The following ELP4 variants were observed in gnomAD, a reference collection of about 807,000 sequenced individuals.
ELP4 encodes the protein elongator acetyltransferase complex subunit 4, also known as elongator complex protein 4.
In ELP4, 51 loss-of-function variants were observed where a neutral mutation model predicts 48.9. The ratio of observed to expected loss-of-function variants is 1.04; its 90% CI spans 0.83 to 1.32. The LOEUF is 1.32. ELP4 is among the 40% of genes most tolerant of loss of function. The pLI, the probability that ELP4 is intolerant of heterozygous loss-of-function variation, is 0.00. For missense variants in ELP4, 519 were observed against 514.6 expected (o/e 1.01, Z -0.08); for synonymous variants, 210 against 189.2 (o/e 1.11, Z -0.90).
At chr11:31,736,294 C>A (rs944525437) in intron 9 of ELP4, among the ~76,000 whole-genome samples, 2 of 152,114 alleles carry the variant, frequency 1.3e-5, no homozygotes, top group African/African-American at 4.8e-5. Context: ...TGAAACTGGA[C>A]CCCTTCCTTA....
At chr11:31,778,317 T>C (rs1948291809) in intron 9 of ELP4, among the ~76,000 whole-genome samples, 1 of 152,190 alleles carries the variant, frequency 6.6e-6, no homozygotes, top group Admixed American at 6.5e-5. Flanking sequence ...GGACTGCAGT[T>C]GCACTTTGCT....
At chr11:31,727,144 T>C (rs187376542) in intron 9 of ELP4, among the ~76,000 whole-genome samples, 1 of 151,914 alleles carries the variant, frequency 6.6e-6, no homozygotes, top group African/African-American at 2.4e-5. Context: ...AAAAAGAACT[T>C]TATTTTTACA....
At chr11:31,647,486 TTA>T (rs1013793399) in intron 7 of ELP4, 4 of 298,596 alleles carry the variant, frequency 1.3e-5, no homozygotes, top group Non-Finnish European at 2.5e-5. Flanking sequence ...ACTAATAAAT[TTA>T]TGTCTTCTAC....
chr11:31,601,379 A>G (rs1020085089), intron 4 of ELP4, among the ~76,000 whole-genome samples: 1 of 152,106 alleles, frequency 6.6e-6, no homozygotes, highest in African/African-American at 2.4e-5. Context: ...TAAAATTTTC[A>G]TGGCTACCTT....
At chr11:31,766,276 T>A (rs552521052) in intron 9 of ELP4, among the ~76,000 whole-genome samples, 8 of 152,240 alleles carry the variant, frequency 5.3e-5, no homozygotes, top group Admixed American at 2.6e-4. Flanking sequence ...GCAATAAGTA[T>A]ATTTTTCTGA....
intron 9 of ELP4, among the ~76,000 whole-genome samples, chr11:31,751,960 G>A (rs1947731050): frequency 6.6e-6 from 1 of 152,022 alleles, no homozygotes; most frequent in African/African-American, 2.4e-5. Context: ...ACAACTTCAT[G>A]TAATCCCTCT....
chr11:31,762,324 T>G (rs1029880128), intron 9 of ELP4, among the ~76,000 whole-genome samples: 3 of 152,214 alleles, frequency 2.0e-5, no homozygotes, highest in Admixed American at 6.5e-5. Context: ...ACAAAGTTTA[T>G]TTAAATGATT....
In ELP4 at chr11:31,539,724, G is replaced by A; in HGVS notation, c.322G>A (p.Val108Ile). The change falls in exon 3 of 10, where the codon GTC (valine) becomes ATC (isoleucine). Residue 108 changes from valine to isoleucine, a missense_variant. Physicochemically the swap from Val to Ile is conservative, Grantham distance 29. Coordinates refer to ENST00000640961, the MANE Select transcript of ELP4 (RefSeq NM_019040.5). ...CAAGTATTTCCTGGCAGAAGGAATT[G>A]TCAATGGGCATACTTTGTTGGTTGC... is the stretch of plus-strand genomic sequence containing the variant. ...LFKYFLAEGIVNGHTLLVASA... is the reference protein window; with the variant it reads ...LFKYFLAEGIINGHTLLVASA... The A allele has an allele frequency of 1.2e-6, 2 of 1,611,818 alleles. No homozygotes were observed. The highest frequency in any genetic ancestry group is 1.7e-6 in the Non-Finnish European group (2 of 1,178,952).
At chr11:31,645,093 T>C (rs1945174613) in intron 7 of ELP4, among the ~76,000 whole-genome samples, 2 of 151,758 alleles carry the variant, frequency 1.3e-5, no homozygotes, top group South Asian at 2.1e-4. Flanking sequence ...GGTAATAGTA[T>C]GATGAAAAAT....
At chr11:31,570,053 G>T (rs2996462) in intron 3 of ELP4, among the ~76,000 whole-genome samples, 1 of 151,984 alleles carries the variant, frequency 6.6e-6, no homozygotes, top group East Asian at 1.9e-4. Context: ...AAAAAGGCAC[G>T]TCCATATGTA....
chr11:31,608,334 G>C (rs146875115), intron 5 of ELP4, among the ~76,000 whole-genome samples: 1 of 152,040 alleles, frequency 6.6e-6, no homozygotes, highest in Non-Finnish European at 1.5e-5. Context: ...GTTGATATGA[G>C]CAGTCAGATT....
chr11:31,711,962 T>C (rs1946750968), intron 9 of ELP4, among the ~76,000 whole-genome samples: 1 of 152,052 alleles, frequency 6.6e-6, no homozygotes, highest in East Asian at 1.9e-4. Flanking sequence ...TTAACACTTG[T>C]AATTTTCTTC....
chr11:31,721,544 A>C (rs1946958683), intron 9 of ELP4, among the ~76,000 whole-genome samples: 1 of 151,858 alleles, frequency 6.6e-6, no homozygotes, highest in African/African-American at 2.4e-5. Flanking sequence ...TTTTCATTCA[A>C]CCCATGATGA....
intron 9 of ELP4, among the ~76,000 whole-genome samples, chr11:31,726,764 T>C (rs1039238052): frequency 6.6e-6 from 1 of 152,220 alleles, no homozygotes; most frequent in African/African-American, 2.4e-5. Flanking sequence ...ATGTAGGTCG[T>C]ATCATACAGT....
intron 2 of ELP4, among the ~76,000 whole-genome samples, chr11:31,525,081 A>T (rs1956277403): frequency 6.6e-6 from 1 of 152,224 alleles, no homozygotes; most frequent in Non-Finnish European, 1.5e-5. Context: ...AGCCGTGCTT[A>T]TTCATGTGCA....
At chr11:31,750,166 C>T (rs559856687) in intron 9 of ELP4, among the ~76,000 whole-genome samples, 35 of 152,008 alleles carry the variant, frequency 2.3e-4, no homozygotes, top group Non-Finnish European at 4.9e-4. Context: ...GCCCGGCCAA[C>T]TTTTATAATA....
chr11:31,693,178 C>T (rs1431392072), intron 9 of ELP4, among the ~76,000 whole-genome samples: 1 of 151,726 alleles, frequency 6.6e-6, no homozygotes, highest in Non-Finnish European at 1.5e-5. Context: ...TATTATTATA[C>T]TTTAAGTTCT....
At chr11:31,653,378 A>G (rs1945362198) in intron 9 of ELP4, 1 of 151,796 alleles carries the variant, frequency 6.6e-6, no homozygotes, top group South Asian at 2.1e-4. Context: ...TAACCATTAT[A>G]TACTACTTAT....
intron 9 of ELP4, chr11:31,763,342 C>T: frequency 7.2e-7 from 1 of 1,398,446 alleles, no homozygotes; most frequent in Non-Finnish European, 9.6e-7. Flanking sequence ...CTTTTTCCCC[C>T]TCTAATCCTT....
Sources: allele counts gnomAD v4.1 joint callset (sites outside exome capture counted in the v4.1 genomes callset), GRCh38; gene constraint gnomAD v4.1.1; transcripts MANE v1.5; gene names NCBI Gene and HGNC (gene_info 2026-07-23, HGNC 2026-07-21).